Variants in CEP104 observed in about 807,000 individuals in gnomAD.
CEP104 encodes the protein centrosomal protein 104.
CEP104 carries 84 observed loss-of-function variants against 113.3 expected under a neutral mutation model. The ratio of observed to expected loss-of-function variants is 0.74; its 90% CI spans 0.62 to 0.89. The LOEUF is 0.89. Ranked by LOEUF, CEP104 falls within the 40% of genes least tolerant of loss-of-function variation. The probability of loss-of-function intolerance (pLI) is 0.00; values close to 1 mark genes in which losing one functional copy is unlikely to be tolerated. For synonymous variants in CEP104, 378 were observed against 421.7 expected (o/e 0.90, Z 1.27); for missense variants, 1,053 against 1,156.6 (o/e 0.91, Z 1.30).
intron 11 of CEP104, among the ~76,000 whole-genome samples, chr1:3,834,581 C>T (rs1358057827): frequency 6.6e-6 from 1 of 152,230 alleles, no homozygotes; most frequent in African/African-American, 2.4e-5. Flanking sequence ...TAATTCTCAA[C>T]CTCATCAGGT....
At chr1:3,841,006 G>A (rs1644401750) in intron 6 of CEP104, among the ~76,000 whole-genome samples, 1 of 152,170 alleles carries the variant, frequency 6.6e-6, no homozygotes, top group Admixed American at 6.5e-5. Context: ...GCTCATTTCT[G>A]ATTAAATATG....
Position 3,839,700 on chromosome 1 carries a change from G to C in CEP104, c.643C>G (p.Arg215Gly), listed in dbSNP as rs759675006. ...YQDPEVAQII[R>G]KLDERKREAV... ...TCCCGTTTTCTTTCATCTAATTTTC[G>C]TATGATCTGTGCAACTTCTGGATCT... The change falls in exon 7 of 22, where the codon CGA (arginine) becomes GGA (glycine). Residue 215 changes from arginine to glycine, a missense_variant. Physicochemically the swap from Arg to Gly is moderately radical, Grantham distance 125 (BLOSUM62 -2). Coordinates refer to ENST00000378230, the MANE Select transcript of CEP104 (RefSeq NM_014704.4). The C allele has an allele frequency of 3.7e-6, 6 of 1,613,862 alleles. No individual in the cohort carries two copies. Among genetic ancestry groups the C allele is most frequent in the Non-Finnish European group, 5.1e-6 (6 of 1,179,876 alleles).
rs919013591 is a variant in CEP104, at chr1:3,835,165, T to C, written c.1318-73A>G. On this transcript the variant is annotated intron_variant, in intron 10 of 21. Coordinates refer to ENST00000378230, the MANE Select transcript of CEP104 (RefSeq NM_014704.4). Reference sequence around the variant, plus strand: ...AACACTACACAACTTGAAGGCTTTGTTTTTTTTTTAACTAAAATGATTCAT... The same window carrying C: ...AACACTACACAACTTGAAGGCTTTGCTTTTTTTTTAACTAAAATGATTCAT... 7 of 933,690 alleles carry C rather than the reference T, an allele frequency of 7.5e-6. No individual in the cohort carries two copies. In the East Asian group the frequency reaches 2.0e-4, roughly 27 times the overall value. 57.8% of individuals were successfully genotyped at this position (933,690 alleles called of 1,614,324 possible).
At position 3,829,865 on chromosome 1, in the gene CEP104, T is replaced by C. The variant is rs1644166529; in HGVS notation, c.1969A>G (p.Arg657Gly). Residue 657 changes from arginine to glycine, a missense_variant, in exon 14 of 22, where the codon AGG becomes GGG. Arg to Gly is a moderately radical substitution (Grantham distance 125). Coordinates refer to ENST00000378230, the MANE Select transcript of CEP104 (RefSeq NM_014704.4). ...YLPPDDSNTR[R>G]NILYKTIFEG... The stretch of plus-strand genomic sequence containing the variant: ...AAAATTGTTTTGTAGAGAATGTTCC[T>C]GCGTGTGTTGCTGTCGTCTGGAGGA... 6.2e-7 allele frequency: 1 copy of C among 1,614,080 alleles called. No homozygotes were observed. The highest frequency in any genetic ancestry group is 1.3e-5 in the African/African-American group (1 of 74,928).
rs1187618998 is a variant in CEP104 at position 3,814,057 on chromosome 1, C to G, written c.*1345G>C. 1 of 152,216 alleles carries G rather than the reference C, an allele frequency of 6.6e-6. No individual in the cohort carries two copies. Among genetic ancestry groups the G allele is most frequent in the Non-Finnish European group, 1.5e-5 (1 of 68,040 alleles). The allele number at this position is 152,216 out of a possible 1,614,324, so 9.4% of individuals were successfully genotyped here. ...AGTTTTTAGATATTTTGTTGTTTCA[C>G]ACGGTTGGCAATTAAAACATATTTA... On this transcript the variant is annotated 3_prime_UTR_variant, in exon 22 of 22. Transcript: ENST00000378230.
At chr1:3,844,866 G>A in intron 6 of CEP104, 41 bp downstream of exon 6, 1 of 1,527,028 alleles carries the variant, frequency 6.5e-7, no homozygotes, top group East Asian at 2.2e-5. Flanking sequence ...GGATTCTGAG[G>A]AAAGTAAAAG....
At chr1:3,851,837 C>T (rs964367792) in intron 2 of CEP104, among the ~76,000 whole-genome samples, 2 of 152,102 alleles carry the variant, frequency 1.3e-5, no homozygotes, top group African/African-American at 2.4e-5. Flanking sequence ...AAAGTATACG[C>T]GTGTTTAAGA....
chr1:3,843,702 C>T (rs1644455682), intron 6 of CEP104, among the ~76,000 whole-genome samples: 1 of 151,164 alleles, frequency 6.6e-6, no homozygotes. Flanking sequence ...TTTTTTTAGC[C>T]AAATTTAGCA....
At chr1:3,840,480 C>T (rs1644392656) in intron 6 of CEP104, among the ~76,000 whole-genome samples, 1 of 152,152 alleles carries the variant, frequency 6.6e-6, no homozygotes. Flanking sequence ...TCAAGTGATC[C>T]ACCAGTCTCA....
chr1:3,850,436 T>C (rs932594072), intron 2 of CEP104, among the ~76,000 whole-genome samples: 1 of 152,230 alleles, frequency 6.6e-6, no homozygotes, highest in African/African-American at 2.4e-5. Flanking sequence ...GTGCAAACTT[T>C]ACGGTTTCTT....
chr1:3,838,416 G>C (rs896362705), intron 8 of CEP104, among the ~76,000 whole-genome samples: 1 of 152,116 alleles, frequency 6.6e-6, no homozygotes, highest in Non-Finnish European at 1.5e-5. Flanking sequence ...CTCCCAAAGT[G>C]ATGGGATTAC....
chr1:3,821,911 C>T (rs1440244408), intron 20 of CEP104, among the ~76,000 whole-genome samples: 8 of 152,184 alleles, frequency 5.3e-5, no homozygotes, highest in African/African-American at 1.4e-4. Context: ...CTATGGATCC[C>T]GGTAATCAGA....
chr1:3,830,985 C>T (rs745627937), intron 13 of CEP104, 61 bp downstream of exon 13: 139 of 1,477,224 alleles, frequency 9.4e-5, no homozygotes, highest in Non-Finnish European at 1.1e-4. Context: ...ACCCTCGCCA[C>T]GCTCCAGGCA....
intron 10 of CEP104, among the ~76,000 whole-genome samples, chr1:3,836,097 C>T (rs978137698): frequency 6.6e-6 from 1 of 151,680 alleles, no homozygotes; most frequent in Non-Finnish European, 1.5e-5. Context: ...ATCAGGAGAT[C>T]GAGACCATCC....
chr1:3,848,858 A>G (rs1416705230), intron 2 of CEP104, 77 bp from the exon 3 acceptor site: 4 of 1,258,358 alleles, frequency 3.2e-6, no homozygotes, highest in Admixed American at 4.1e-5. Flanking sequence ...TCATTCTTGC[A>G]GGTAAGAAGC....
chr1:3,842,812 G>T (rs1306794898), intron 6 of CEP104, among the ~76,000 whole-genome samples: 1 of 152,126 alleles, frequency 6.6e-6, no homozygotes, highest in African/African-American at 2.4e-5. Context: ...GTGTGAGATG[G>T]AGTCTTGCTC....
intron 6 of CEP104, chr1:3,843,324 CTA>C: frequency 2.5e-6 from 1 of 403,504 alleles, no homozygotes; most frequent in Non-Finnish European, 4.5e-6. Flanking sequence ...TCTTACACTG[CTA>C]AAAAAAAAAA....
At chr1:3,856,373 C>T (rs1557700780) in intron 1 of CEP104, among the ~76,000 whole-genome samples, 1 of 152,192 alleles carries the variant, frequency 6.6e-6, no homozygotes, top group Non-Finnish European at 1.5e-5. Context: ...CAGAGCGAGA[C>T]CGTCTCAAAG....
In CEP104 at chr1:3,825,838, C is replaced by G. The variant is rs1335154001; in HGVS notation, c.2284G>C (p.Glu762Gln). ...NLCIFCGERS[E>Q]SFTEEGLDLH... The stretch of plus-strand genomic sequence containing the variant: ...TCCAGACCTTCCTCTGTGAAGGATT[C>G]ACTCCTTTCCCCACAAAAAATACAC... The change falls in exon 18 of 22, where the codon GAA becomes CAA. Residue 762 changes from glutamate (E) to glutamine (Q), a missense_variant. Glu to Gln is a conservative substitution (Grantham distance 29). Transcript: ENST00000378230. 2 of 1,613,248 alleles carry G rather than the reference C, an allele frequency of 1.2e-6. No homozygotes were observed. The highest frequency in any genetic ancestry group is 1.3e-5 in the African/African-American group (1 of 74,892).
Sources: gnomAD v4.1 joint callset for allele counts (sites outside exome capture counted in the v4.1 genomes callset) on GRCh38, gnomAD v4.1.1 for gene constraint, MANE v1.5 for transcripts, NCBI Gene and HGNC (gene_info 2026-07-23, HGNC 2026-07-21) for gene names.